The following PTK2 variants were observed in gnomAD, a reference collection of about 807,000 sequenced individuals.
The protein encoded by PTK2 is protein tyrosine kinase 2.
A neutral mutation model predicts 150.1 loss-of-function variants in PTK2; 45 were observed. The observed-to-expected ratio is 0.30, with a 90% CI of 0.24 to 0.38. PTK2 has a LOEUF of 0.38. Ranked by LOEUF, PTK2 falls within the 10% of genes least tolerant of loss-of-function variation. The pLI is 1.00. For missense variants in PTK2, 919 were observed against 1,307.3 expected (o/e 0.70, Z 4.58); for synonymous variants, 432 against 449.2 (o/e 0.96, Z 0.48).
intron 26 of PTK2, among the ~76,000 whole-genome samples, chr8:140,696,052 T>C (rs2100026352): frequency 6.6e-6 from 1 of 152,228 alleles, no homozygotes; most frequent in African/African-American, 2.4e-5. Context: ...CTCCTTCCTC[T>C]GGGCCTCTAA....
In PTK2 at chr8:140,950,624, C is replaced by T. The variant is rs549427394; in HGVS notation, c.-121-24875G>A. 3.9e-5 allele frequency among the ~76,000 whole-genome samples: 6 copies of T among 152,354 alleles called. No individual in the cohort carries two copies. The South Asian group carries it at 1.2e-3, about 32-fold the overall frequency. On this transcript the variant is annotated intron_variant, in intron 1 of 31. Coordinates refer to ENST00000522684, the Ensembl canonical transcript of PTK2. ...GCCAAGCCGAGTAGGCGAACAAGCC[C>T]AGTGGGCATGGGCAATACTCAGGCA...
intron 1 of PTK2, among the ~76,000 whole-genome samples, chr8:141,000,226 G>A (rs991990727): frequency 7.2e-5 from 11 of 152,160 alleles, no homozygotes; most frequent in Non-Finnish European, 1.3e-4. Context: ...GTCGGGGGCT[G>A]GGGGCGGGGA....
chr8:140,706,540 T>A (rs1415874693), intron 23 of PTK2, among the ~76,000 whole-genome samples: 3 of 152,168 alleles, frequency 2.0e-5, no homozygotes, highest in Non-Finnish European at 4.4e-5. Context: ...GCATGGTAGC[T>A]CATGCCTGTA....
intron 1 of PTK2, among the ~76,000 whole-genome samples, chr8:140,990,760 T>G (rs766330985): frequency 1.1e-4 from 16 of 152,146 alleles, no homozygotes; most frequent in Non-Finnish European, 1.3e-4. Context: ...TAAATACCCT[T>G]TACAACAAAG....
rs546487399 is a variant in PTK2 at position 140,898,125 on chromosome 8, C to T, written c.-32-7356G>A. Among the ~76,000 whole-genome samples, 8 of 152,188 alleles carry T rather than the reference C, an allele frequency of 5.3e-5. No homozygotes were observed. The South Asian group carries it at 1.7e-3, about 32-fold the overall frequency. ...CACAGACCAATACTTTTGTAAAATA[C>T]AATGAAAAGGAATTTCTAGAAAAAA... On this transcript the variant is annotated intron_variant, in intron 2 of 31. Transcript: ENST00000522684.
chr8:140,833,435 C>G (rs532691128), intron 7 of PTK2, among the ~76,000 whole-genome samples: 2 of 152,282 alleles, frequency 1.3e-5, no homozygotes, highest in Non-Finnish European at 2.9e-5. Context: ...CTGAGCCCAC[C>G]TAAGGTACTA....
intron 2 of PTK2, among the ~76,000 whole-genome samples, chr8:140,906,890 G>A (rs886348469): frequency 5.3e-5 from 8 of 152,048 alleles, no homozygotes; most frequent in African/African-American, 1.7e-4. Flanking sequence ...CAGGTATCAC[G>A]TATACCTCAA....
intron 24 of PTK2, among the ~76,000 whole-genome samples, chr8:140,704,227 C>T (rs1564733268): frequency 6.6e-6 from 1 of 152,142 alleles, no homozygotes; most frequent in Non-Finnish European, 1.5e-5. Flanking sequence ...GTAGAAGGAT[C>T]ACTTTAGGCT....
At chr8:140,658,805 T>A (rs957878715) in exon 32 of PTK2, 2 of 225,748 alleles carry the variant, frequency 8.9e-6, no homozygotes, top group African/African-American at 4.5e-5. Flanking sequence ...AAAAAAGACA[T>A]GAGTTTTTAG....
At chr8:140,897,636 C>T (rs184977994) in intron 2 of PTK2, among the ~76,000 whole-genome samples, 7 of 152,274 alleles carry the variant, frequency 4.6e-5, no homozygotes, top group Admixed American at 1.3e-4. Flanking sequence ...ACGGTTTGGT[C>T]AGTTCAAAGA....
At chr8:140,931,925 T>C (rs2100171946) in intron 1 of PTK2, among the ~76,000 whole-genome samples, 1 of 90,260 alleles carries the variant, frequency 1.1e-5, no homozygotes, top group African/African-American at 5.4e-5. Flanking sequence ...AGAGACCCAG[T>C]CTCAAAAAAA....
intron 1 of PTK2, among the ~76,000 whole-genome samples, chr8:140,931,689 C>A (rs2154608556): frequency 6.6e-6 from 1 of 152,212 alleles, no homozygotes; most frequent in Non-Finnish European, 1.5e-5. Flanking sequence ...AAACCCAGCA[C>A]TTTGGGAGGC....
chr8:140,969,127 G>A (rs540353428), intron 1 of PTK2, among the ~76,000 whole-genome samples: 51 of 152,164 alleles, frequency 3.4e-4, no homozygotes, highest in Non-Finnish European at 5.6e-4. Context: ...ACAGTAGCAG[G>A]TGGATGAGGG....
At chr8:140,756,409 G>T (rs1048942909) in intron 16 of PTK2, among the ~76,000 whole-genome samples, 6 of 151,540 alleles carry the variant, frequency 4.0e-5, no homozygotes, top group African/African-American at 1.5e-4. Context: ...GTAAACATTA[G>T]ATTATGGGCC....
At chr8:140,953,493 T>C (rs2100180178) in intron 1 of PTK2, among the ~76,000 whole-genome samples, 1 of 152,090 alleles carries the variant, frequency 6.6e-6, no homozygotes, top group Admixed American at 6.6e-5. Context: ...GCATACACAG[T>C]GTGGTGGATA....
chr8:140,669,333 A>ATATATATG (rs2094364469), intron 29 of PTK2: 2 of 143,638 alleles, frequency 1.4e-5, no homozygotes, highest in African/African-American at 5.2e-5. Flanking sequence ...ATATATATAT[A>ATATATATG]TATATATACA....
At chr8:140,746,010 A>G (rs2100058512) in intron 18 of PTK2, among the ~76,000 whole-genome samples, 1 of 151,820 alleles carries the variant, frequency 6.6e-6, no homozygotes, top group African/African-American at 2.4e-5. Context: ...AAAAAAAAAA[A>G]AAAGAAAAAA....
chr8:140,745,727 C>T (rs1040365311), intron 18 of PTK2, among the ~76,000 whole-genome samples: 6 of 152,150 alleles, frequency 3.9e-5, no homozygotes, highest in African/African-American at 7.2e-5. Flanking sequence ...CGGCCATGCA[C>T]GATGGCTCAC....
At chr8:140,724,930 CTTT>C (rs2100044897) in intron 22 of PTK2, among the ~76,000 whole-genome samples, 1 of 152,192 alleles carries the variant, frequency 6.6e-6, no homozygotes, top group African/African-American at 2.4e-5. Context: ...CTCTTTTTCT[CTTT>C]TCTCTTAAGC....
Sources: gnomAD v4.1 joint callset for allele counts (sites outside exome capture counted in the v4.1 genomes callset) on GRCh38, gnomAD v4.1.1 for gene constraint, MANE v1.5 for transcripts, NCBI Gene and HGNC (gene_info 2026-07-23, HGNC 2026-07-21) for gene names.